Variants in CLN6 observed in about 807,000 individuals in gnomAD.
The protein encoded by CLN6 is ceroid-lipofuscinosis neuronal protein 6.
In CLN6, 22 loss-of-function variants were observed where a neutral mutation model predicts 33.3. The observed-to-expected ratio is 0.66, with a 90% CI of 0.47 to 0.94. CLN6 has a LOEUF of 0.94. CLN6 is among the 40% of genes least tolerant of loss of function. CLN6 has a pLI of 0.00. For synonymous variants in CLN6, 201 were observed against 174.6 expected, an observed-to-expected ratio of 1.15 and a Z score of -1.19; for missense variants, 387 against 417.1, an observed-to-expected ratio of 0.93 and a Z score of 0.63.
chr15:68,253,313 C>A (rs1892398836), intron 1 of CLN6, among the ~76,000 whole-genome samples: 1 of 152,180 alleles, frequency 6.6e-6, no homozygotes, highest in Admixed American at 6.5e-5. Flanking sequence ...GCCACGTGAC[C>A]GGGTTTTTTG....
rs1468531022 is a variant in CLN6, at chr15:68,211,321, G to C, written c.487-3C>G. On this transcript the variant is annotated splice_polypyrimidine_tract_variant and splice_region_variant and intron_variant, in intron 4 of 6. Transcript: ENST00000249806. This position sits in a 1 kb window ranked among gnomAD's most constrained non-coding sequence, Gnocchi z 5.9. ...TAGAGCAGCTCAAAGGAGTCGATCTGAGGGAGGAACGGGCAGGGCAGAGTC... is the reference window on the plus strand; with the variant it reads ...TAGAGCAGCTCAAAGGAGTCGATCTCAGGGAGGAACGGGCAGGGCAGAGTC... 1.9e-6 allele frequency: 3 copies of C among 1,613,968 alleles called. No individual in the cohort carries two copies. The highest frequency in any genetic ancestry group is 1.7e-5 in the Admixed American group (1 of 60,024).
At chr15:68,244,095 A>C (rs1191890563) in intron 1 of CLN6, among the ~76,000 whole-genome samples, 1 of 151,686 alleles carries the variant, frequency 6.6e-6, no homozygotes, top group Non-Finnish European at 1.5e-5. Flanking sequence ...AAACAAACAA[A>C]AAAAAAACTA....
At chr15:68,245,326 G>T (rs1221764701) in intron 1 of CLN6, among the ~76,000 whole-genome samples, 3 of 151,992 alleles carry the variant, frequency 2.0e-5, no homozygotes, top group African/African-American at 7.3e-5. Flanking sequence ...ATTTTGGGAG[G>T]CTGAGGCTGG....
chr15:68,245,697 G>T (rs1892323770), intron 1 of CLN6, among the ~76,000 whole-genome samples: 1 of 152,106 alleles, frequency 6.6e-6, no homozygotes, highest in Non-Finnish European at 1.5e-5. Context: ...TTTAATTGGA[G>T]AATTCAGTCA....
chr15:68,208,098 A>ACCCCCCCCC lies in CLN6; in HGVS notation c.*41_*42insGGGGGGGGG. ...TGTATTCAGATGCCCTCCATGGCCC[A>ACCCCCCCCC]CCCTCCCACCCAGCAGAGCGCCAGA... On this transcript the variant is annotated 3_prime_UTR_variant, in exon 7 of 7. Coordinates refer to ENST00000249806, the MANE Select transcript of CLN6 (RefSeq NM_017882.3). The surrounding 1 kb of genome is among the most constrained non-coding windows in gnomAD (Gnocchi z 5.8). 2.2e-6 allele frequency: 1 copy of ACCCCCCCCC among 448,452 alleles called. No homozygotes were observed. Among genetic ancestry groups the ACCCCCCCCC allele is most frequent in the Non-Finnish European group, 3.6e-6 (1 of 279,246 alleles). The allele number at this position is 448,452 out of a possible 1,614,324, so 27.8% of individuals were successfully genotyped here.
intron 1 of CLN6, 84 bp downstream of exon 1, chr15:68,229,418 C>A: frequency 9.0e-7 from 1 of 1,106,864 alleles, no homozygotes; most frequent in South Asian, 1.6e-5. Flanking sequence ...TCCCGCCCGG[C>A]AGCCCTAGGA....
At chr15:68,237,803 C>T (rs535028573) in intron 1 of CLN6, among the ~76,000 whole-genome samples, 1 of 152,334 alleles carries the variant, frequency 6.6e-6, no homozygotes, top group Non-Finnish European at 1.5e-5. Flanking sequence ...CATGAGCCCA[C>T]AGATAAAAGA....
Position 68,241,371 on chromosome 15 carries a change from A to G in CLN6, c.179+15319T>C, listed in dbSNP as rs1262441254. Among the ~76,000 whole-genome samples the G allele has an allele frequency of 1.3e-5, 2 of 152,112 alleles. No homozygotes were observed. Among genetic ancestry groups the G allele is most frequent in the African/African-American group, 4.8e-5 (2 of 41,464 alleles). On this transcript the variant is annotated intron_variant, in intron 1 of 6. Transcript: ENST00000538696. This position sits in a 1 kb window ranked among gnomAD's most constrained non-coding sequence, Gnocchi z 4.2. ...ATAGAGAAGTGAAAAAGCTCTGAGC[A>G]GTCAGTAAGATAAATGGATTTCTAC...
rs1478611651 is a variant in CLN6, at chr15:68,207,719, G to C, written c.*421C>G. ...GGTGGGCCTGAGGGATGAGCCAGGTGGTGGGCAGGTGACACACCAGGTCCC... is the reference window on the plus strand; with the variant it reads ...GGTGGGCCTGAGGGATGAGCCAGGTCGTGGGCAGGTGACACACCAGGTCCC... On this transcript the variant is annotated 3_prime_UTR_variant, in exon 7 of 7. Coordinates refer to ENST00000249806, the MANE Select transcript of CLN6 (RefSeq NM_017882.3). 1 of 295,828 alleles carries C rather than the reference G, an allele frequency of 3.4e-6. No individual in the cohort carries two copies. The highest frequency in any genetic ancestry group is 6.6e-6 in the Non-Finnish European group (1 of 152,654). The allele number at this position is 295,828 out of a possible 1,614,324, so 18.3% of individuals were successfully genotyped here.
At position 68,256,840 on chromosome 15, in the gene CLN6, C is replaced by T; in HGVS notation, c.29G>A (p.Arg10Gln). 1 of 698,790 alleles carries T rather than the reference C, an allele frequency of 1.4e-6. No homozygotes were observed. Among genetic ancestry groups the T allele is most frequent in the South Asian group, 1.5e-5 (1 of 67,418 alleles). The allele number at this position is 698,790 out of a possible 1,614,324, so 43.3% of individuals were successfully genotyped here. ...CTCTGGCCGGGGCCTGCCTCTCGCTCGCCGCTCCTTCCCGGCAACGGCTGC... is the reference window on the plus strand; with the variant it reads ...CTCTGGCCGGGGCCTGCCTCTCGCTTGCCGCTCCTTCCCGGCAACGGCTGC... The change falls in exon 1 of 7, where the codon CGA (arginine) becomes CAA (glutamine). Residue 10 changes from arginine to glutamine, a missense_variant. Coordinates refer to the CLN6 transcript ENST00000538696. This position sits in a 1 kb window ranked among gnomAD's most constrained non-coding sequence, Gnocchi z 4.1.
intron 1 of CLN6, among the ~76,000 whole-genome samples, chr15:68,226,137 G>A (rs561159500): frequency 1.9e-4 from 29 of 151,940 alleles, no homozygotes; most frequent in African/African-American, 7.0e-4. Context: ...GGCCAACATG[G>A]TGAAACGCCG....
chr15:68,223,507 A>T (rs2093243632), intron 1 of CLN6, among the ~76,000 whole-genome samples: 1 of 152,224 alleles, frequency 6.6e-6, no homozygotes, highest in Non-Finnish European at 1.5e-5. Context: ...TTGGGTGGCG[A>T]AAGAGGTAAC....
At chr15:68,232,377 T>C (rs2093269692), upstream of CLN6, among the ~76,000 whole-genome samples, 1 of 152,190 alleles carries the variant, frequency 6.6e-6, no homozygotes, top group Non-Finnish European at 1.5e-5. This position sits in a 1 kb window ranked among gnomAD's most constrained non-coding sequence, Gnocchi z 4.7. Flanking sequence ...CAGGCTGGTC[T>C]TGATCTACTG....
In CLN6 at chr15:68,209,972, G is replaced by C. The variant is rs1470362223; in HGVS notation, c.543-213C>G. ...AAACAGGAAGGCAACGCACGTGTGA[G>C]TCAGAGGCCCAGAGGCATCCACACC... On this transcript the variant is annotated intron_variant, in intron 5 of 6. Transcript: ENST00000249806. The surrounding 1 kb of genome is among the most constrained non-coding windows in gnomAD (Gnocchi z 4.9). Among the ~76,000 whole-genome samples the C allele has an allele frequency of 6.6e-6, 1 of 152,160 alleles. No homozygotes were observed. The highest frequency in any genetic ancestry group is 1.5e-5 in the Non-Finnish European group (1 of 68,020).
chr15:68,208,314 G>T lies in CLN6; in HGVS notation c.762C>A (p.Phe254Leu). The T allele has an allele frequency of 6.2e-7, 1 of 1,614,174 alleles. No homozygotes were observed. The highest frequency in any genetic ancestry group is 8.5e-7 in the Non-Finnish European group (1 of 1,180,048). Reference sequence around the variant, plus strand: ...AGAGGAAGAGGCCGTTGCTGTCCAGGAAGAGGCGCTTGCGCTTCTGGTGCA... The same window carrying T: ...AGAGGAAGAGGCCGTTGCTGTCCAGTAAGAGGCGCTTGCGCTTCTGGTGCA... Reference protein sequence around the residue: ...LVLHQKRKRLFLDSNGLFLFS... With the variant: ...LVLHQKRKRLLLDSNGLFLFS... Residue 254 changes from phenylalanine to leucine, a missense_variant, in exon 7 of 7, where the codon TTC becomes TTA. Transcript: ENST00000249806. The surrounding 1 kb of genome is among the most constrained non-coding windows in gnomAD (Gnocchi z 5.8).
chr15:68,211,575 G>C lies in CLN6; in HGVS notation c.486+100C>G, dbSNP rs2093205246. 1.2e-6 allele frequency: 2 copies of C among 1,601,870 alleles called. No individual in the cohort carries two copies. Among genetic ancestry groups the C allele is most frequent in the South Asian group, 2.2e-5 (2 of 90,286 alleles). ...CCTCACCTAGCAGAATGCCTTTGGTGAAAGGACAGGTGCGGCGAGGGGTGG... is the reference window on the plus strand; with the variant it reads ...CCTCACCTAGCAGAATGCCTTTGGTCAAAGGACAGGTGCGGCGAGGGGTGG... On this transcript the variant is annotated intron_variant, in intron 4 of 6. Coordinates refer to ENST00000249806, the MANE Select transcript of CLN6 (RefSeq NM_017882.3). The surrounding 1 kb of genome is among the most constrained non-coding windows in gnomAD (Gnocchi z 5.9).
In CLN6 at chr15:68,209,793, C is replaced by T. The variant is rs753537711; in HGVS notation, c.543-34G>A. On this transcript the variant is annotated intron_variant, in intron 5 of 6. Transcript: ENST00000249806. This position sits in a 1 kb window ranked among gnomAD's most constrained non-coding sequence, Gnocchi z 4.9. ...GGAAGGCCAGTGTCTTAGAGGCCTG[C>T]TCAGCGGCCCTCTTCCCCACAACCT... The T allele has an allele frequency of 6.2e-7, 1 of 1,610,526 alleles. No individual in the cohort carries two copies. Among genetic ancestry groups the T allele is most frequent in the Non-Finnish European group, 8.5e-7 (1 of 1,178,704 alleles).
At chr15:68,226,599 T>C (rs1198658079) in intron 1 of CLN6, among the ~76,000 whole-genome samples, 1 of 152,042 alleles carries the variant, frequency 6.6e-6, no homozygotes, top group Non-Finnish European at 1.5e-5. Flanking sequence ...CCCGAGTAGC[T>C]GGGACTACAT....
In CLN6 at chr15:68,241,898, A is replaced by G. The variant is rs1892282927; in HGVS notation, c.179+14792T>C. Reference sequence around the variant, plus strand: ...CAAAAAGGAGGTAGTGACCTAGTGGAAAATAAACAAACAAATAAGAAATTC... The same window carrying G: ...CAAAAAGGAGGTAGTGACCTAGTGGGAAATAAACAAACAAATAAGAAATTC... On this transcript the variant is annotated intron_variant, in intron 1 of 6. Transcript: ENST00000538696. This position sits in a 1 kb window ranked among gnomAD's most constrained non-coding sequence, Gnocchi z 4.2. Among the ~76,000 whole-genome samples, 1 of 152,222 alleles carries G rather than the reference A, an allele frequency of 6.6e-6. No homozygotes were observed. The highest frequency in any genetic ancestry group is 1.5e-5 in the Non-Finnish European group (1 of 68,036).
Sources: gnomAD v4.1 joint callset for allele counts (sites outside exome capture counted in the v4.1 genomes callset) on GRCh38, gnomAD v4.1.1 for gene constraint, Gnocchi (gnomAD v3.1) non-coding constraint, MANE v1.5 for transcripts, NCBI Gene and HGNC (gene_info 2026-07-23, HGNC 2026-07-21) for gene names.